Variants in MYO5B observed in about 807,000 individuals in gnomAD.
The protein encoded by MYO5B is myosin VB.
Under a neutral mutation model 229.3 loss-of-function variants are expected in MYO5B, and 143 were observed. That is an observed-to-expected ratio of 0.62 (90% CI 0.54 to 0.72). The LOEUF (loss-of-function observed/expected upper bound fraction) is 0.72, where lower values mean the gene tolerates loss of function less well. Ranked by LOEUF, MYO5B falls within the 30% of genes least tolerant of loss-of-function variation. The probability of loss-of-function intolerance (pLI) is 0.00; values close to 1 mark genes in which losing one functional copy is unlikely to be tolerated. For missense variants in MYO5B, 2,321 were observed against 2,331.0 expected (o/e 1.00, Z 0.09); for synonymous variants, 918 against 885.2 (o/e 1.04, Z -0.66).
chr18:49,974,287 G>GT, intron 10 of MYO5B, 63 bp downstream of exon 10: 1 of 1,609,340 alleles, frequency 6.2e-7, no homozygotes, highest in African/African-American at 1.3e-5. Context: ...CCTGCTGGCT[G>GT]TAAAGTATGA....
At chr18:50,128,648 C>T in intron 1 of MYO5B, among the ~76,000 whole-genome samples, 1 of 152,204 alleles carries the variant, frequency 6.6e-6, no homozygotes, top group Admixed American at 6.5e-5. Flanking sequence ...AGCAGTTCTG[C>T]ACCCTGCCCA....
rs1448127704 is a variant in MYO5B, at chr18:49,906,331, G to A, written c.2414+88C>T. On this transcript the variant is annotated intron_variant, in intron 19 of 39. Transcript: ENST00000285039. Reference sequence around the variant, plus strand: ...CAACAGGAACCACTCTCAGCACAGAGGAAGAGAGAAGCCAAGTAGCTGAGA... The same window carrying A: ...CAACAGGAACCACTCTCAGCACAGAAGAAGAGAGAAGCCAAGTAGCTGAGA... 8 of 1,318,804 alleles carry A rather than the reference G, an allele frequency of 6.1e-6. No individual in the cohort carries two copies. The African/African-American group carries it at 1.2e-4, about 19-fold the overall frequency. 81.7% of individuals were successfully genotyped at this position (1,318,804 alleles called of 1,614,324 possible). A position where few individuals can be genotyped will look rare whatever the true frequency, so the allele number is the denominator to read the frequency against.
At chr18:49,935,032 AAG>A (rs1412264515) in intron 16 of MYO5B, among the ~76,000 whole-genome samples, 4 of 152,148 alleles carry the variant, frequency 2.6e-5, no homozygotes, top group African/African-American at 9.7e-5. Flanking sequence ...CCCAGAGCAG[AAG>A]AGACTGCAGA....
At chr18:50,064,923 T>C (rs756150361) in intron 1 of MYO5B, among the ~76,000 whole-genome samples, 4 of 152,314 alleles carry the variant, frequency 2.6e-5, no homozygotes, top group South Asian at 2.1e-4. Flanking sequence ...AGAGAAAGCA[T>C]AGGAGCACCA....
At chr18:49,858,982 TA>T (rs1349107615) in intron 29 of MYO5B, among the ~76,000 whole-genome samples, 1 of 152,192 alleles carries the variant, frequency 6.6e-6, no homozygotes, top group East Asian at 1.9e-4. Flanking sequence ...GTTGAAAATG[TA>T]AGTGCTTGAT....
chr18:50,161,011 G>A (rs2032757357), intron 1 of MYO5B, among the ~76,000 whole-genome samples: 1 of 152,160 alleles, frequency 6.6e-6, no homozygotes, highest in African/African-American at 2.4e-5. Context: ...CTCAGCTTGT[G>A]TCCTCCTTGT....
chr18:50,077,870 T>A (rs918186955), intron 1 of MYO5B, among the ~76,000 whole-genome samples: 1 of 152,134 alleles, frequency 6.6e-6, no homozygotes, highest in African/African-American at 2.4e-5. Context: ...GGTTCCTACA[T>A]ACTACAATAA....
chr18:50,114,297 T>C (rs1219715498), intron 1 of MYO5B, among the ~76,000 whole-genome samples: 7 of 152,190 alleles, frequency 4.6e-5, no homozygotes, highest in Admixed American at 4.6e-4. Context: ...TTTTGGAGAA[T>C]GCACAGAAAG....
In MYO5B at chr18:49,906,522, T is replaced by C. The variant is rs1231447747; in HGVS notation, c.2311A>G (p.Ile771Val). ...ADKFRTATIM[I>V]QKTVRGWLQK... is the part of the protein sequence containing the mutation. ...AGCCATCCCCGGACAGTTTTCTGGA[T>C]CATGATGGTGGCTGTCCGGAACTTG... Residue 771 changes from isoleucine to valine, a missense_variant, in exon 19 of 40, where the codon ATC becomes GTC. Physicochemically the swap from Ile to Val is conservative, Grantham distance 29. Around this residue, in one of 2 missense-constraint regions of MYO5B, gnomAD observed 2,113 missense variants for 2,044.7 expected, o/e 1.03. Coordinates refer to ENST00000285039, the MANE Select transcript of MYO5B (RefSeq NM_001080467.3). 10 of 1,614,198 alleles carry C rather than the reference T, an allele frequency of 6.2e-6. No individual in the cohort carries two copies. The highest frequency in any genetic ancestry group is 7.6e-6 in the Non-Finnish European group (9 of 1,180,030).
rs2025726248 is a variant in MYO5B at position 49,974,682 on chromosome 18, T to C, written c.1057-67A>G. On this transcript the variant is annotated intron_variant, in intron 9 of 39. Coordinates refer to ENST00000285039, the MANE Select transcript of MYO5B (RefSeq NM_001080467.3). ...GACAAGCCGCCCCCCACCAATGTCT[T>C]CCACCCTCCTGCCCAGAGGGAAAAC... 1.7e-5 allele frequency: 27 copies of C among 1,559,868 alleles called. No individual in the cohort carries two copies. In the South Asian group the frequency reaches 3.0e-4, roughly 17 times the overall value.
chr18:49,925,612 G>A (rs1439465294), intron 17 of MYO5B, among the ~76,000 whole-genome samples: 2 of 152,202 alleles, frequency 1.3e-5, no homozygotes, highest in Non-Finnish European at 2.9e-5. Flanking sequence ...AGAAACAGTG[G>A]ATAAGGAAAT....
chr18:50,127,070 G>A (rs1297002943), intron 1 of MYO5B, among the ~76,000 whole-genome samples: 6 of 152,260 alleles, frequency 3.9e-5, no homozygotes, highest in African/African-American at 1.4e-4. Context: ...CAAGAGGCAG[G>A]TGGGGCAAGA....
At chr18:50,128,360 T>C (rs2032200190) in intron 1 of MYO5B, among the ~76,000 whole-genome samples, 1 of 152,198 alleles carries the variant, frequency 6.6e-6, no homozygotes. Context: ...CAACAGCTGA[T>C]CTGAGAACAG....
intron 14 of MYO5B, among the ~76,000 whole-genome samples, chr18:49,943,779 C>T (rs1266298241): frequency 6.6e-6 from 1 of 152,056 alleles, no homozygotes; most frequent in Non-Finnish European, 1.5e-5. Flanking sequence ...ATGAAAATAA[C>T]CCACAATTAA....
Position 50,116,653 on chromosome 18 carries a change from G to A in MYO5B, c.28-61275C>T, listed in dbSNP as rs142233284. ...CCTCAGGTGGCTTAACCCTTGCTCT[G>A]GTTTGAACAGCTGTTCTCAAAGTGT... On this transcript the variant is annotated intron_variant, in intron 1 of 39. Coordinates refer to ENST00000285039, the MANE Select transcript of MYO5B (RefSeq NM_001080467.3). Among the ~76,000 whole-genome samples, 101 of 152,054 alleles carry A rather than the reference G, an allele frequency of 6.6e-4. No homozygotes were observed. The East Asian group carries it at 0.017, about 26-fold the overall frequency.
At chr18:49,950,405 CTT>C (rs1366414706) in intron 14 of MYO5B, among the ~76,000 whole-genome samples, 7 of 152,216 alleles carry the variant, frequency 4.6e-5, no homozygotes, top group South Asian at 2.1e-4. Context: ...TGTGCATACT[CTT>C]TGAACCATCA....
At chr18:49,860,830 C>A (rs1442333552) in intron 29 of MYO5B, among the ~76,000 whole-genome samples, 2 of 152,214 alleles carry the variant, frequency 1.3e-5, no homozygotes, top group Non-Finnish European at 2.9e-5. Flanking sequence ...GTAGAACTCT[C>A]CATTACAGGA....
At chr18:50,156,701 G>A (rs191767639) in intron 1 of MYO5B, among the ~76,000 whole-genome samples, 4 of 152,092 alleles carry the variant, frequency 2.6e-5, no homozygotes, top group African/African-American at 9.7e-5. Flanking sequence ...CACTTTCTTA[G>A]GTACAAAAAA....
chr18:50,141,407 T>C (rs1200023029), intron 1 of MYO5B, among the ~76,000 whole-genome samples: 1 of 152,194 alleles, frequency 6.6e-6, no homozygotes, highest in Non-Finnish European at 1.5e-5. Context: ...GCCTATGGGG[T>C]AGACCTGTTC....
Sources: allele counts gnomAD v4.1 joint callset (sites outside exome capture counted in the v4.1 genomes callset), GRCh38; gene constraint gnomAD v4.1.1; regional missense constraint gnomAD v4.1.1; transcripts MANE v1.5; gene names NCBI Gene and HGNC (gene_info 2026-07-23, HGNC 2026-07-21).